Variants in PKD1L1 observed in about 807,000 individuals in gnomAD.
The protein encoded by PKD1L1 is polycystin 1 like 1, transient receptor potential channel interacting.
In PKD1L1, 236 loss-of-function variants were observed where a neutral mutation model predicts 323.4. The observed-to-expected ratio is 0.73, with a 90% CI of 0.66 to 0.81. PKD1L1 has a LOEUF of 0.81. PKD1L1 is among the 40% of genes least tolerant of loss of function. PKD1L1 has a pLI of 0.00. For missense variants in PKD1L1, 3,320 were observed against 3,508.0 expected (o/e 0.95, Z 1.35); for synonymous variants, 1,344 against 1,335.0 (o/e 1.01, Z -0.15).
In PKD1L1 at chr7:47,881,915, A is replaced by G. The variant is rs368892024; in HGVS notation, c.3436T>C (p.Ser1146Pro). 112 of 1,594,604 alleles carry G rather than the reference A, an allele frequency of 7.0e-5. No homozygotes were observed. Among genetic ancestry groups the G allele is most frequent in the Non-Finnish European group, 8.8e-5 (103 of 1,173,354 alleles). ...LGRAVFQGYS[S>P]SGITEQTVTI... is the part of the protein sequence containing the mutation. ...ACAAAGAGGACATTCATACCTGAGG[A>G]TGAATAGCCTTGGAAAACTGCTCGA... The change falls in exon 20 of 57, where the codon TCC (serine) becomes CCC (proline). Residue 1146 changes from serine (S) to proline (P), a missense_variant. Transcript: ENST00000289672.
At chr7:47,804,610 C>T (rs1784738094) in intron 52 of PKD1L1, among the ~76,000 whole-genome samples, 2 of 151,680 alleles carry the variant, frequency 1.3e-5, no homozygotes, top group South Asian at 2.1e-4. Flanking sequence ...GCTGGGGCTA[C>T]AGGCACATGC....
chr7:47,848,308 C>G (rs1267649882), intron 31 of PKD1L1, among the ~76,000 whole-genome samples: 1 of 151,848 alleles, frequency 6.6e-6, no homozygotes, highest in East Asian at 1.9e-4. Context: ...GCTGAATAAA[C>G]TACGGTCCAT....
chr7:47,905,073 C>T lies in PKD1L1; in HGVS notation c.1691+84G>A, dbSNP rs923202536. ...TACAAATGCAACAGCCATAAAATGC[C>T]TTCGGTAGCAGCATGGTGATCTTCA... On this transcript the variant is annotated intron_variant, in intron 11 of 56. Coordinates refer to ENST00000289672, the MANE Select transcript of PKD1L1 (RefSeq NM_138295.5). 5 of 1,467,898 alleles carry T rather than the reference C, an allele frequency of 3.4e-6. No individual in the cohort carries two copies. In the African/African-American group the frequency reaches 5.7e-5, roughly 17 times the overall value. 90.9% of individuals were successfully genotyped at this position (1,467,898 alleles called of 1,614,324 possible). A position where few individuals can be genotyped will look rare whatever the true frequency, so the allele number is the denominator to read the frequency against.
chr7:47,854,395 A>C (rs1785851467), intron 30 of PKD1L1, among the ~76,000 whole-genome samples: 1 of 152,164 alleles, frequency 6.6e-6, no homozygotes, highest in Admixed American at 6.5e-5. Context: ...TTTGCTGTAG[A>C]ATTTCAAAGA....
intron 4 of PKD1L1, among the ~76,000 whole-genome samples, chr7:47,935,288 T>C (rs986739980): frequency 6.6e-6 from 1 of 152,202 alleles, no homozygotes; most frequent in East Asian, 1.9e-4. Context: ...CTCCAGGGGA[T>C]GTGCCAATCT....
At chr7:47,927,491 C>G (rs1296285810) in intron 7 of PKD1L1, among the ~76,000 whole-genome samples, 1 of 152,134 alleles carries the variant, frequency 6.6e-6, no homozygotes, top group Non-Finnish European at 1.5e-5. Context: ...GTCTCGAACT[C>G]TTGACCTCGT....
chr7:47,797,018 A>C (rs1784557464), intron 54 of PKD1L1, among the ~76,000 whole-genome samples: 2 of 139,214 alleles, frequency 1.4e-5, no homozygotes, highest in African/African-American at 2.6e-5. Context: ...AAAAAAAAAC[A>C]CCCAAACAAA....
At chr7:47,894,876 G>A (rs541118751) in intron 14 of PKD1L1, among the ~76,000 whole-genome samples, 9 of 150,244 alleles carry the variant, frequency 6.0e-5, no homozygotes, top group African/African-American at 1.5e-4. Context: ...AAAAACTGAC[G>A]CAATTTGAAA....
Position 47,877,538 on chromosome 7 carries a change from C to T in PKD1L1, c.3614G>A (p.Gly1205Asp). 1 of 1,614,020 alleles carries T rather than the reference C, an allele frequency of 6.2e-7. No homozygotes were observed. The highest frequency in any genetic ancestry group is 8.5e-7 in the Non-Finnish European group (1 of 1,179,958). ...DMACQVQPHHGLEAHTVFSVF... is the reference protein window; with the variant it reads ...DMACQVQPHHDLEAHTVFSVF... ...ACTGAAGACGGTGTGTGCTTCCAGACCATGGTGGGGCTGCACCTGACAGGC... is the reference window on the plus strand; with the variant it reads ...ACTGAAGACGGTGTGTGCTTCCAGATCATGGTGGGGCTGCACCTGACAGGC... Residue 1205 changes from glycine (G) to aspartate (D), a missense_variant, in exon 22 of 57, where the codon GGT becomes GAT. Coordinates refer to ENST00000289672, the MANE Select transcript of PKD1L1 (RefSeq NM_138295.5).
intron 46 of PKD1L1, chr7:47,817,970 C>A: frequency 1.8e-6 from 2 of 1,117,702 alleles, no homozygotes; most frequent in Non-Finnish European, 1.2e-6. Context: ...ATCTCTTATC[C>A]TTTCAAGTAT....
intron 56 of PKD1L1, among the ~76,000 whole-genome samples, chr7:47,779,618 G>A (rs949387124): frequency 1.3e-5 from 2 of 152,146 alleles, no homozygotes; most frequent in Non-Finnish European, 2.9e-5. Flanking sequence ...TTTAGCGTCT[G>A]AGAATGGCTC....
intron 56 of PKD1L1, among the ~76,000 whole-genome samples, chr7:47,781,182 C>T (rs1786683888): frequency 6.6e-6 from 1 of 152,170 alleles, no homozygotes; most frequent in African/African-American, 2.4e-5. Flanking sequence ...TGTTTGCCAT[C>T]TGTACATCTT....
intron 45 of PKD1L1, among the ~76,000 whole-genome samples, chr7:47,825,967 A>G (rs1372106382): frequency 6.6e-6 from 1 of 151,972 alleles, no homozygotes; most frequent in East Asian, 1.9e-4. Flanking sequence ...CAGCGCCCCC[A>G]GCCACCCCAC....
In PKD1L1 at chr7:47,813,973, G is replaced by A. The variant is rs935607084; in HGVS notation, c.7131C>T (p.Ser2377=). Residue 2377 remains serine (S), a synonymous_variant, in exon 48 of 57, where the codon TCC becomes TCT. Coordinates refer to ENST00000289672, the MANE Select transcript of PKD1L1 (RefSeq NM_138295.5). ...GAAAAACTTTTAGCTGCCTAATTAC[G>A]GAACTGCCTATTAGGTAGCATTTTC... ...LGGKCYLIGS[S]VIRQLKVFPR... 10 of 1,613,944 alleles carry A rather than the reference G, an allele frequency of 6.2e-6. No homozygotes were observed. The highest frequency in any genetic ancestry group is 2.2e-5 in the East Asian group (1 of 44,888).
chr7:47,785,240 G>C (rs1356940602), intron 56 of PKD1L1, among the ~76,000 whole-genome samples: 1 of 152,080 alleles, frequency 6.6e-6, no homozygotes, highest in Non-Finnish European at 1.5e-5. Flanking sequence ...TCATAACATA[G>C]GTCCAAGTGG....
At chr7:47,871,882 C>T (rs143182454) in intron 24 of PKD1L1, among the ~76,000 whole-genome samples, 23 of 152,242 alleles carry the variant, frequency 1.5e-4, no homozygotes, top group African/African-American at 2.4e-4. Context: ...AGGATTTCCA[C>T]GCTTGCCACT....
intron 10 of PKD1L1, among the ~76,000 whole-genome samples, chr7:47,905,557 G>A (rs936203971): frequency 6.6e-6 from 1 of 152,212 alleles, no homozygotes; most frequent in Non-Finnish European, 1.5e-5. Flanking sequence ...TAAGGCCATA[G>A]GGCCAACTCC....
chr7:47,905,055 G>T, intron 11 of PKD1L1, 102 bp downstream of exon 11: 1 of 1,295,692 alleles, frequency 7.7e-7, no homozygotes. Context: ...TAATACAAAT[G>T]CAACAGCCAT....
chr7:47,864,493 A>C (rs1389453476), intron 26 of PKD1L1, among the ~76,000 whole-genome samples: 2 of 152,180 alleles, frequency 1.3e-5, no homozygotes, highest in Non-Finnish European at 2.9e-5. Flanking sequence ...AATTATTCAT[A>C]GCATGGATAG....
Sources: gnomAD v4.1 joint callset for allele counts (sites outside exome capture counted in the v4.1 genomes callset) on GRCh38, gnomAD v4.1.1 for gene constraint, MANE v1.5 for transcripts, NCBI Gene and HGNC (gene_info 2026-07-23, HGNC 2026-07-21) for gene names.